PEMT: variants seen among roughly 807,000 people sequenced by gnomAD.
PEMT encodes phosphatidylethanolamine N-methyltransferase.
In PEMT, 23 loss-of-function variants were observed where a neutral mutation model predicts 27.4. The observed-to-expected ratio is 0.84, with a 90% CI of 0.60 to 1.19. The LOEUF (loss-of-function observed/expected upper bound fraction) is 1.19. PEMT is among the 50% of genes most tolerant of loss of function. The pLI is 0.00. For synonymous variants in PEMT, 137 were observed against 139.1 expected, an observed-to-expected ratio of 0.98 and a Z score of 0.11; for missense variants, 307 against 310.1, an observed-to-expected ratio of 0.99 and a Z score of 0.07.
intron 2 of PEMT, among the ~76,000 whole-genome samples, chr17:17,557,875 TTACTAG>T (rs1234198580): frequency 5.3e-5 from 8 of 152,210 alleles, no homozygotes; most frequent in Non-Finnish European, 1.2e-4. Context: ...TCCCCAGGGT[TTACTAG>T]GAGGAAATGG....
intron 1 of PEMT, among the ~76,000 whole-genome samples, chr17:17,578,432 G>A (rs933185717): frequency 4.6e-5 from 7 of 151,962 alleles, no homozygotes; most frequent in East Asian, 1.9e-4. Flanking sequence ...CCAGGTGTTC[G>A]AGGCTGTAGT....
chr17:17,506,613 A>G (rs1423101677), intron 5 of PEMT, among the ~76,000 whole-genome samples: 2 of 152,188 alleles, frequency 1.3e-5, no homozygotes, highest in Admixed American at 1.3e-4. Context: ...CTGGGAACGC[A>G]GCCCCAGGCG....
Position 17,505,665 on chromosome 17 carries a change from C to T in PEMT, c.*126G>A. On this transcript the variant is annotated 3_prime_UTR_variant, in exon 7 of 7. Coordinates refer to ENST00000255389, the MANE Select transcript of PEMT (RefSeq NM_148172.3). ...GTCCCCAAGGCAGCAGGTTCCAAGGCACTGGGGCAGCCCACGCCGGGGGCG... is the reference window on the plus strand; with the variant it reads ...GTCCCCAAGGCAGCAGGTTCCAAGGTACTGGGGCAGCCCACGCCGGGGGCG... 1 of 1,128,442 alleles carries T rather than the reference C, an allele frequency of 8.9e-7. No homozygotes were observed. Among genetic ancestry groups the T allele is most frequent in the East Asian group, 3.0e-5 (1 of 33,306 alleles). The allele number at this position is 1,128,442 out of a possible 1,614,324, so 69.9% of individuals were successfully genotyped here.
At chr17:17,566,532 T>G (rs1241966999) in intron 2 of PEMT, among the ~76,000 whole-genome samples, 2 of 152,286 alleles carry the variant, frequency 1.3e-5, no homozygotes, top group South Asian at 2.1e-4. Context: ...GGCTCAGCAC[T>G]GCCGCAGGGT....
At chr17:17,570,356 C>T (rs527454701) in intron 2 of PEMT, 9 of 215,386 alleles carry the variant, frequency 4.2e-5, no homozygotes, top group East Asian at 3.7e-4. Flanking sequence ...GTACTCAGAA[C>T]GCCCAGGCAG....
intron 2 of PEMT, among the ~76,000 whole-genome samples, chr17:17,551,142 T>C (rs1567713920): frequency 6.6e-6 from 1 of 152,174 alleles, no homozygotes; most frequent in African/African-American, 2.4e-5. Context: ...GTTGTTATTA[T>C]GGGACCGTAA....
chr17:17,516,725 C>T (rs893806866), intron 3 of PEMT, among the ~76,000 whole-genome samples: 4 of 152,160 alleles, frequency 2.6e-5, no homozygotes, highest in Non-Finnish European at 5.9e-5. Context: ...GCCTGGTCTA[C>T]CAGGGCCTGG....
intron 2 of PEMT, among the ~76,000 whole-genome samples, chr17:17,559,217 G>A (rs1316580408): frequency 6.6e-6 from 1 of 152,204 alleles, no homozygotes; most frequent in East Asian, 1.9e-4. Flanking sequence ...CCAAGACATA[G>A]GACTTCAGAA....
At chr17:17,528,848 G>A (rs905633883) in intron 2 of PEMT, among the ~76,000 whole-genome samples, 4 of 152,236 alleles carry the variant, frequency 2.6e-5, no homozygotes, top group African/African-American at 7.2e-5. Context: ...CAAGGCTACT[G>A]GGCATCCCCT....
At chr17:17,586,220 G>GAAAGAA (rs1912256351) in intron 1 of PEMT, among the ~76,000 whole-genome samples, 1 of 33,212 alleles carries the variant, frequency 3.0e-5, no homozygotes, top group African/African-American at 1.2e-4. Context: ...GAAAGAAAAA[G>GAAAGAA]AAAGAAAGAA....
chr17:17,574,628 A>C (rs1049816613), intron 2 of PEMT, among the ~76,000 whole-genome samples: 1 of 152,138 alleles, frequency 6.6e-6, no homozygotes, highest in Non-Finnish European at 1.5e-5. Flanking sequence ...GCCAAATCTT[A>C]CTGCATCTTA....
intron 2 of PEMT, among the ~76,000 whole-genome samples, chr17:17,539,674 C>T (rs1443669428): frequency 1.1e-4 from 17 of 152,216 alleles, no homozygotes; most frequent in Non-Finnish European, 1.0e-4. Context: ...CAGCTAATCA[C>T]GATCATGGGG....
At chr17:17,536,273 T>C (rs906767429) in intron 2 of PEMT, among the ~76,000 whole-genome samples, 1 of 152,136 alleles carries the variant, frequency 6.6e-6, no homozygotes, top group Non-Finnish European at 1.5e-5. Context: ...ACACAGTGAG[T>C]AAATGGATTG....
intron 3 of PEMT, among the ~76,000 whole-genome samples, chr17:17,521,171 G>A (rs1481110392): frequency 6.6e-6 from 1 of 152,244 alleles, no homozygotes; most frequent in African/African-American, 2.4e-5. Flanking sequence ...GTGGGGTGTG[G>A]CCAGGCACAC....
Position 17,512,709 on chromosome 17 carries a change from C to G in PEMT, c.321-55G>C. On this transcript the variant is annotated intron_variant, in intron 3 of 6. Transcript: ENST00000255389. The surrounding 1 kb of genome is among the most constrained non-coding windows in gnomAD (Gnocchi z 6.3). ...TCATGGCCAGGGAGGATGTCACAGC[C>G]CGGGAGGAGGCCGACCTCATCTTCT... 1 of 1,439,200 alleles carries G rather than the reference C, an allele frequency of 6.9e-7. No homozygotes were observed. Among genetic ancestry groups the G allele is most frequent in the Non-Finnish European group, 9.2e-7 (1 of 1,084,538 alleles). 89.2% of individuals were successfully genotyped at this position (1,439,200 alleles called of 1,614,324 possible).
chr17:17,515,439 C>A (rs1183914650), intron 3 of PEMT, among the ~76,000 whole-genome samples: 1 of 152,196 alleles, frequency 6.6e-6, no homozygotes, highest in African/African-American at 2.4e-5. Flanking sequence ...TGCTCCTCCG[C>A]CTACGGCCCC....
At chr17:17,586,288 GAAAAAA>G (rs113887195) in intron 1 of PEMT, among the ~76,000 whole-genome samples, 1,586 of 72,016 alleles carry the variant, frequency 0.022, 101 homozygotes, top group African/African-American at 0.088. Flanking sequence ...AAGAAAGAAA[GAAAAAA>G]AAAAACGCAG....
chr17:17,587,234 A>G (rs1912364032), intron 1 of PEMT, among the ~76,000 whole-genome samples: 2 of 152,106 alleles, frequency 1.3e-5, no homozygotes, highest in African/African-American at 4.8e-5. Flanking sequence ...AAATATCAAT[A>G]TCAGAAATAA....
At chr17:17,589,991 G>C (rs60811700) in intron 1 of PEMT, among the ~76,000 whole-genome samples, 5,690 of 152,128 alleles carry the variant, frequency 0.037, 386 homozygotes, top group African/African-American at 0.13. Flanking sequence ...CAGGCCCTGG[G>C]GCAGGCCCCT....
Sources: gnomAD v4.1 joint callset for allele counts (sites outside exome capture counted in the v4.1 genomes callset) on GRCh38, gnomAD v4.1.1 for gene constraint, Gnocchi (gnomAD v3.1) non-coding constraint, MANE v1.5 for transcripts, NCBI Gene and HGNC (gene_info 2026-07-23, HGNC 2026-07-21) for gene names.